Variants in ARIH1 observed in about 807,000 individuals in gnomAD.
The protein encoded by ARIH1 is ariadne RBR E3 ubiquitin protein ligase 1.
In ARIH1, 8 loss-of-function variants were observed where a neutral mutation model predicts 85.0. The ratio of observed to expected loss-of-function variants is 0.09; its 90% CI spans 0.06 to 0.17. The LOEUF (loss-of-function observed/expected upper bound fraction) is 0.17, where lower values mean the gene tolerates loss of function less well. Among genes scored for constraint, ARIH1 ranks in the 10% least tolerant of loss-of-function variants. The pLI is 1.00. For missense variants in ARIH1, 311 were observed against 718.1 expected, an observed-to-expected ratio of 0.43 and a Z score of 6.48; for synonymous variants, 238 against 253.6, an observed-to-expected ratio of 0.94 and a Z score of 0.59.
intron 8 of ARIH1, 91 bp downstream of exon 8, chr15:72,566,696 CTATT>C (rs2064222536): frequency 4.4e-6 from 5 of 1,127,676 alleles, no homozygotes; most frequent in African/African-American, 1.6e-5. Flanking sequence ...TGTTATCTAT[CTATT>C]GATAGATTTT....
intron 1 of ARIH1, among the ~76,000 whole-genome samples, chr15:72,499,985 T>A (rs914432516): frequency 1.3e-5 from 2 of 152,230 alleles, no homozygotes; most frequent in Admixed American, 1.3e-4. Context: ...TCCTTCAAAC[T>A]TGATTGCTAG....
At position 72,560,239 on chromosome 15, in the gene ARIH1, A is replaced by G. The variant is rs71397252; in HGVS notation, c.738-1244A>G. Among the ~76,000 whole-genome samples the G allele has an allele frequency of 4.5e-3, 683 of 152,314 alleles. 2 individuals are homozygous for G. The highest frequency in any genetic ancestry group is 7.9e-3 in the Non-Finnish European group (539 of 68,036). On this transcript the variant is annotated intron_variant, in intron 5 of 13. Transcript: ENST00000379887. Reference sequence around the variant, plus strand: ...CAAATGATTATACAGATAACTGTCTAATTAAAATTATGATAATTTCTATAA... The same window carrying G: ...CAAATGATTATACAGATAACTGTCTGATTAAAATTATGATAATTTCTATAA...
intron 2 of ARIH1, among the ~76,000 whole-genome samples, chr15:72,523,655 T>C: frequency 6.6e-6 from 1 of 152,086 alleles, no homozygotes; most frequent in Middle Eastern, 3.2e-3. Context: ...CTACAGACTT[T>C]GGGTAACAAC....
At chr15:72,543,911 G>T (rs910440925) in intron 2 of ARIH1, among the ~76,000 whole-genome samples, 2 of 151,826 alleles carry the variant, frequency 1.3e-5, no homozygotes, top group African/African-American at 4.8e-5. Context: ...AGGAGGCCAG[G>T]GAACATGTCT....
chr15:72,552,782 T>G (rs1401795647), intron 3 of ARIH1, among the ~76,000 whole-genome samples: 7 of 151,606 alleles, frequency 4.6e-5, no homozygotes, highest in Non-Finnish European at 5.9e-5. Flanking sequence ...GGCCTGTTTT[T>G]TTTTTTTTTT....
intron 1 of ARIH1, among the ~76,000 whole-genome samples, chr15:72,487,445 C>T (rs2063842000): frequency 6.6e-6 from 1 of 152,130 alleles, no homozygotes; most frequent in African/African-American, 2.4e-5. Flanking sequence ...TGATTCTTAG[C>T]AAGTATTTAT....
intron 1 of ARIH1, among the ~76,000 whole-genome samples, chr15:72,509,519 A>G (rs1024673934): frequency 2.6e-5 from 4 of 152,024 alleles, no homozygotes; most frequent in African/African-American, 7.2e-5. Flanking sequence ...TGTTTAGTCA[A>G]ACCCTCCCCC....
At chr15:72,548,817 T>C (rs1298616451) in intron 3 of ARIH1, among the ~76,000 whole-genome samples, 1 of 152,208 alleles carries the variant, frequency 6.6e-6, no homozygotes, top group Non-Finnish European at 1.5e-5. Flanking sequence ...ATATCTTCAG[T>C]ATCTTTATCC....
intron 1 of ARIH1, among the ~76,000 whole-genome samples, chr15:72,505,620 T>C (rs1028140920): frequency 6.6e-6 from 1 of 152,216 alleles, no homozygotes; most frequent in South Asian, 2.1e-4. Context: ...TCCTAGTTCA[T>C]GTGCATTTTA....
intron 2 of ARIH1, among the ~76,000 whole-genome samples, chr15:72,533,209 G>GC (rs1489518034): frequency 1.3e-5 from 2 of 152,070 alleles, no homozygotes; most frequent in African/African-American, 2.4e-5. Flanking sequence ...GCTCACTGCA[G>GC]CCCCCTACCT....
intron 1 of ARIH1, among the ~76,000 whole-genome samples, chr15:72,493,884 T>G (rs2140397807): frequency 4.1e-5 from 2 of 48,324 alleles, no homozygotes; most frequent in South Asian, 4.2e-3. Context: ...GATTTTAAAT[T>G]TTTTATTGTT....
intron 1 of ARIH1, among the ~76,000 whole-genome samples, chr15:72,478,128 T>A (rs922399537): frequency 2.0e-5 from 3 of 150,802 alleles, no homozygotes; most frequent in South Asian, 4.2e-4. Flanking sequence ...GTTATTTGTT[T>A]ATTTTGAGAC....
chr15:72,559,267 TTTG>T (rs1179821190), intron 5 of ARIH1, among the ~76,000 whole-genome samples: 1 of 152,106 alleles, frequency 6.6e-6, no homozygotes, highest in African/African-American at 2.4e-5. Context: ...TGGGGTTTTT[TTTG>T]TTTTTTGTTT....
At position 72,500,514 on chromosome 15, in the gene ARIH1, T is replaced by C. The variant is rs564427215; in HGVS notation, c.376-17553T>C. On this transcript the variant is annotated intron_variant, in intron 1 of 13. Coordinates refer to ENST00000379887, the MANE Select transcript of ARIH1 (RefSeq NM_005744.5). ...TTCAACTGGAAGACTTGTGTCCTTATAAAGCTTTGGGGAATTAACTTCTGT... is the reference window on the plus strand; with the variant it reads ...TTCAACTGGAAGACTTGTGTCCTTACAAAGCTTTGGGGAATTAACTTCTGT... Among the ~76,000 whole-genome samples the C allele has an allele frequency of 3.7e-4, 57 of 152,344 alleles. 1 individual carries two copies. The South Asian group carries it at 0.011, about 29-fold the overall frequency.
chr15:72,600,484 G>C lies in ARIH1; in HGVS notation c.*17192G>C, dbSNP rs924249168. The C allele has an allele frequency of 2.0e-5, 3 of 152,142 alleles. No homozygotes were observed. The highest frequency in any genetic ancestry group is 7.2e-5 in the African/African-American group (3 of 41,432). The allele number at this position is 152,142 out of a possible 1,614,324, so 9.4% of individuals were successfully genotyped here. On this transcript the variant is annotated 3_prime_UTR_variant, in exon 14 of 14. Coordinates refer to ENST00000379887, the MANE Select transcript of ARIH1 (RefSeq NM_005744.5). ...CTGCAACCTTGAGCTCCTGGGCTCA[G>C]GAGAGCCTCTCTCCTCAGTCTCCCA... is the stretch of plus-strand genomic sequence containing the variant.
At chr15:72,529,193 C>T (rs143289325) in intron 2 of ARIH1, among the ~76,000 whole-genome samples, 35 of 151,688 alleles carry the variant, frequency 2.3e-4, no homozygotes, top group Admixed American at 2.2e-3. Context: ...AGCGAGACTC[C>T]GTCTCAAAAA....
chr15:72,540,571 A>G (rs765746536), intron 2 of ARIH1, among the ~76,000 whole-genome samples: 11 of 152,150 alleles, frequency 7.2e-5, no homozygotes, highest in Non-Finnish European at 1.6e-4. Flanking sequence ...CCCCAAGAAT[A>G]TGAGTGGATT....
At chr15:72,521,144 C>T (rs1013429942) in intron 2 of ARIH1, among the ~76,000 whole-genome samples, 3 of 147,604 alleles carry the variant, frequency 2.0e-5, no homozygotes, top group Non-Finnish European at 3.0e-5. Flanking sequence ...TGTGCCCAGT[C>T]GATATTTGAA....
At chr15:72,502,962 A>G (rs2063909827) in intron 1 of ARIH1, among the ~76,000 whole-genome samples, 1 of 152,188 alleles carries the variant, frequency 6.6e-6, no homozygotes, top group African/African-American at 2.4e-5. Flanking sequence ...TTAGAAGTAA[A>G]TATTCATAAC....
Sources: allele counts gnomAD v4.1 joint callset (sites outside exome capture counted in the v4.1 genomes callset), GRCh38; gene constraint gnomAD v4.1.1; transcripts MANE v1.5; gene names NCBI Gene and HGNC (gene_info 2026-07-23, HGNC 2026-07-21).